Variants in CEMIP2 observed in about 807,000 individuals in gnomAD.
The protein encoded by CEMIP2 is cell surface hyaluronidase CEMIP2.
In CEMIP2, 79 loss-of-function variants were observed where a neutral mutation model predicts 146.9. That is an observed-to-expected ratio of 0.54 (90% CI 0.45 to 0.65). CEMIP2 has a LOEUF of 0.65. CEMIP2 is among the 30% of genes least tolerant of loss of function. The pLI, the probability that CEMIP2 is intolerant of heterozygous loss-of-function variation, is 0.00. For missense variants in CEMIP2, 1,596 were observed against 1,696.2 expected, an observed-to-expected ratio of 0.94 and a Z score of 1.04; for synonymous variants, 601 against 606.3, an observed-to-expected ratio of 0.99 and a Z score of 0.13.
intron 11 of CEMIP2, among the ~76,000 whole-genome samples, chr9:71,723,136 G>GGA (rs562543367): frequency 2.9e-5 from 3 of 104,232 alleles, no homozygotes; most frequent in Non-Finnish European, 5.5e-5. Flanking sequence ...AACAGCCAAA[G>GGA]AAAAAAAAAA....
intron 1 of CEMIP2, among the ~76,000 whole-genome samples, chr9:71,753,279 G>A (rs1429687047): frequency 6.6e-6 from 1 of 152,034 alleles, no homozygotes; most frequent in Non-Finnish European, 1.5e-5. Flanking sequence ...CAGGCTGGTG[G>A]GGGCGGGGGT....
chr9:71,746,466 A>G, intron 2 of CEMIP2, 125 bp from the exon 3 acceptor site: 1 of 1,143,200 alleles, frequency 8.7e-7, no homozygotes, highest in Non-Finnish European at 1.2e-6. Context: ...ATTTCCTGCC[A>G]TTAGAATGGA....
intron 21 of CEMIP2, among the ~76,000 whole-genome samples, chr9:71,693,620 A>C (rs3780606): frequency 0.29 from 44,781 of 152,112 alleles, 7,637 homozygotes; most frequent in African/African-American, 0.48. Flanking sequence ...CAGGAAAAAA[A>C]CATTTCTTAA....
upstream of CEMIP2, chr9:71,768,641 C>T (rs573575796): frequency 6.6e-6 from 1 of 152,172 alleles, no homozygotes; most frequent in African/African-American, 2.4e-5. Flanking sequence ...GGCCTCGGCT[C>T]GCTCTCTCCC....
At chr9:71,722,393 T>C (rs371236927) in intron 12 of CEMIP2, 34 bp downstream of exon 12, 21 of 1,550,494 alleles carry the variant, frequency 1.4e-5, no homozygotes, top group Admixed American at 1.9e-5. Context: ...TGGCAAAGTA[T>C]AGCTTGAGTG....
intron 1 of CEMIP2, among the ~76,000 whole-genome samples, chr9:71,755,360 C>T (rs1016393549): frequency 2.0e-5 from 3 of 150,560 alleles, no homozygotes; most frequent in Non-Finnish European, 4.4e-5. Flanking sequence ...CACACACACA[C>T]ACACACACAC....
intron 1 of CEMIP2, among the ~76,000 whole-genome samples, chr9:71,761,278 A>G (rs1187005341): frequency 6.6e-6 from 1 of 152,250 alleles, no homozygotes; most frequent in East Asian, 1.9e-4. Context: ...AAAAACCAAG[A>G]AAGTTATGTT....
Position 71,698,122 on chromosome 9 carries a change from T to A in CEMIP2, c.3460A>T (p.Ile1154Phe). Residue 1154 changes from isoleucine (I) to phenylalanine (F), a missense_variant, in exon 20 of 24, where the codon ATC becomes TTC. Transcript: ENST00000377044. ...TCCTTTGAGTCTGTGGCTGCTTGGA[T>A]CTTGACTCTTTCACATCCCTGAGAT... is the stretch of plus-strand genomic sequence containing the variant. Reference protein sequence around the residue: ...CSSQGCERVKIQAATDSKDIS... With the variant: ...CSSQGCERVKFQAATDSKDIS... The A allele has an allele frequency of 6.2e-7, 1 of 1,614,150 alleles. No homozygotes were observed. The highest frequency in any genetic ancestry group is 8.5e-7 in the Non-Finnish European group (1 of 1,180,028).
intron 16 of CEMIP2, 28 bp from the exon 17 acceptor site, chr9:71,709,502 A>G: frequency 6.3e-7 from 1 of 1,595,600 alleles, no homozygotes; most frequent in Admixed American, 1.7e-5. Flanking sequence ...GAAAGACATC[A>G]CAAAGTGAGG....
At chr9:71,709,588 C>G in intron 16 of CEMIP2, 114 bp from the exon 17 acceptor site, 1 of 842,818 alleles carries the variant, frequency 1.2e-6, no homozygotes, top group South Asian at 1.6e-5. Context: ...TAGAGCAGTT[C>G]TGAGTTACAG....
intron 20 of CEMIP2, 59 bp from the exon 21 acceptor site, chr9:71,694,666 C>T: frequency 8.8e-7 from 1 of 1,135,920 alleles, no homozygotes; most frequent in Non-Finnish European, 1.3e-6. Flanking sequence ...AAAAGGTTCC[C>T]TCAATATAAA....
intron 1 of CEMIP2, among the ~76,000 whole-genome samples, chr9:71,764,390 C>T (rs1002873991): frequency 2.0e-5 from 3 of 148,248 alleles, no homozygotes; most frequent in Non-Finnish European, 3.0e-5. Flanking sequence ...CAAAGCCAAA[C>T]AGGAATAAAA....
chr9:71,685,907 A>C, intron 22 of CEMIP2, 61 bp from the exon 23 acceptor site: 1 of 1,188,556 alleles, frequency 8.4e-7, no homozygotes, highest in Non-Finnish European at 1.3e-6. Context: ...GTATCTTTCT[A>C]CTGAGTATCT....
intron 16 of CEMIP2, among the ~76,000 whole-genome samples, chr9:71,710,607 C>T (rs1822878466): frequency 6.6e-6 from 1 of 152,194 alleles, no homozygotes; most frequent in Non-Finnish European, 1.5e-5. Context: ...TTGTATTATG[C>T]TGTTATAACT....
At chr9:71,735,511 G>C (rs1047860779) in intron 5 of CEMIP2, among the ~76,000 whole-genome samples, 1 of 152,144 alleles carries the variant, frequency 6.6e-6, no homozygotes, top group Non-Finnish European at 1.5e-5. Context: ...TGTGGGCCAG[G>C]CGTGGTGGTT....
chr9:71,725,506 C>G, intron 11 of CEMIP2, 75 bp downstream of exon 11: 2 of 1,478,290 alleles, frequency 1.4e-6, no homozygotes, highest in Non-Finnish European at 1.8e-6. Flanking sequence ...ACAAAGTGGA[C>G]TAAAATATAA....
chr9:71,708,608 G>T (rs190959612), intron 17 of CEMIP2, among the ~76,000 whole-genome samples: 1 of 152,078 alleles, frequency 6.6e-6, no homozygotes, highest in African/African-American at 2.4e-5. Flanking sequence ...TATATACTAC[G>T]TTGCAAATTA....
rs1339491850 is a variant in CEMIP2 at position 71,704,180 on chromosome 9, C to G, written c.3194+415G>C. 1.8e-4 allele frequency among the ~76,000 whole-genome samples: 28 copies of G among 152,130 alleles called. 1 individual carries two copies. Among genetic ancestry groups the G allele is most frequent in the Non-Finnish European group, 4.1e-4 (28 of 68,022 alleles). ...TGTCCCAACTCTTTCACTTCTTGCC[C>G]CTAGCAGGCATTACTAATCCATCCC... On this transcript the variant is annotated intron_variant, in intron 18 of 23. Transcript: ENST00000377044.
rs1284324645 is a variant in CEMIP2, at chr9:71,746,162, G to A, written c.472+39C>T. ...CATCAAATATCCCCCACATTAAAGA[G>A]CAACCTTGCAGTTCCCATAGGCAGG... On this transcript the variant is annotated intron_variant, in intron 3 of 23. Coordinates refer to ENST00000377044, the MANE Select transcript of CEMIP2 (RefSeq NM_013390.3). 2.5e-6 allele frequency: 4 copies of A among 1,594,198 alleles called. No individual in the cohort carries two copies. The African/African-American group carries it at 5.4e-5, about 22-fold the overall frequency.
Sources: allele counts gnomAD v4.1 joint callset (sites outside exome capture counted in the v4.1 genomes callset), GRCh38; gene constraint gnomAD v4.1.1; transcripts MANE v1.5; gene names NCBI Gene and HGNC (gene_info 2026-07-23, HGNC 2026-07-21).